The following IQSEC3 variants were observed in gnomAD, a reference collection of about 807,000 sequenced individuals.
IQSEC3 encodes IQ motif and Sec7 domain ArfGEF 3, also known as IQ motif and SEC7 domain-containing protein 3.
IQSEC3 carries 50 observed loss-of-function variants against 105.4 expected under a neutral mutation model. That is an observed-to-expected ratio of 0.47 (90% confidence interval 0.38 to 0.60). The LOEUF is 0.60. Ranked by LOEUF, IQSEC3 falls within the 20% of genes least tolerant of loss-of-function variation. IQSEC3 has a pLI of 0.00. For synonymous variants in IQSEC3, 708 were observed against 746.0 expected, an observed-to-expected ratio of 0.95 and a Z score of 0.83; for missense variants, 1,415 against 1,630.0, an observed-to-expected ratio of 0.87 and a Z score of 2.27.
At chr12:87,856 T>C (rs1200729148) in intron 1 of IQSEC3, among the ~76,000 whole-genome samples, 1 of 152,218 alleles carries the variant, frequency 6.6e-6, no homozygotes, top group Non-Finnish European at 1.5e-5. Flanking sequence ...TTAGCCGTGT[T>C]CTGTTGTAAG....
chr12:123,808 C>A (rs1423041721), intron 2 of IQSEC3, among the ~76,000 whole-genome samples: 4 of 152,134 alleles, frequency 2.6e-5, no homozygotes, highest in African/African-American at 9.7e-5. Context: ...TAGGTTGCAG[C>A]TGTCCTGCAC....
intron 1 of IQSEC3, among the ~76,000 whole-genome samples, chr12:85,605 C>T (rs1565384436): frequency 6.6e-6 from 1 of 152,208 alleles, no homozygotes; most frequent in Non-Finnish European, 1.5e-5. Flanking sequence ...TCTCACTGTT[C>T]TGGGGCTGGG....
chr12:135,529 C>T (rs139992570), intron 3 of IQSEC3, among the ~76,000 whole-genome samples: 7 of 152,310 alleles, frequency 4.6e-5, no homozygotes, highest in Non-Finnish European at 8.8e-5. Context: ...CCTATATAAT[C>T]CCCTTCCCTT....
chr12:118,633 C>T (rs1042742276), intron 2 of IQSEC3, among the ~76,000 whole-genome samples: 31 of 152,138 alleles, frequency 2.0e-4, no homozygotes, highest in Non-Finnish European at 2.8e-4. Context: ...TAGCCATTGC[C>T]GAGATAGGAG....
chr12:162,602 A>G (rs1866944275), intron 8 of IQSEC3, among the ~76,000 whole-genome samples: 1 of 152,158 alleles, frequency 6.6e-6, no homozygotes, highest in African/African-American at 2.4e-5. Context: ...TCCTCCTCAT[A>G]TTCTTGCCTC....
intron 3 of IQSEC3, among the ~76,000 whole-genome samples, chr12:131,152 G>GTCTT (rs1555084998): frequency 1.3e-5 from 2 of 151,710 alleles, no homozygotes; most frequent in Non-Finnish European, 2.9e-5. Context: ...CCTGAAAGAA[G>GTCTT]GGGGCACGTT....
Position 112,928 on chromosome 12 carries a change from TTTA to T in IQSEC3, c.624-12693_624-12691del, listed in dbSNP as rs1294008269. Among the ~76,000 whole-genome samples, 6 of 151,984 alleles carry T rather than the reference TTTA, an allele frequency of 3.9e-5. 1 individual carries two copies. In the South Asian group the frequency reaches 1.0e-3, roughly 26 times the overall value. Reference sequence around the variant, plus strand: ...TTATCATAATATTTTATTATTAATATTTATTATTATTATTTTGAAACAAGGCAG... The same window carrying T: ...TTATCATAATATTTTATTATTAATATTTATTATTATTTTGAAACAAGGCAG... On this transcript the variant is annotated intron_variant, in intron 2 of 13. Transcript: ENST00000538872.
chr12:87,479 A>T (rs1259793400), intron 1 of IQSEC3, among the ~76,000 whole-genome samples: 1 of 152,350 alleles, frequency 6.6e-6, no homozygotes, highest in Non-Finnish European at 1.5e-5. Context: ...CTAAGAGATC[A>T]CTAGGGACCT....
chr12:168,385 G>A (rs549280199), intron 11 of IQSEC3, among the ~76,000 whole-genome samples: 1 of 152,292 alleles, frequency 6.6e-6, no homozygotes, highest in East Asian at 1.9e-4. Flanking sequence ...AGCTGGCCAG[G>A]CAGGCTCTGT....
At chr12:140,726 G>C (rs1188721604) in intron 4 of IQSEC3, 2 of 181,756 alleles carry the variant, frequency 1.1e-5, no homozygotes, top group African/African-American at 4.7e-5. Context: ...GCTTGCAAAG[G>C]GAAGAGGTGG....
In IQSEC3 at chr12:157,523, C is replaced by T. The variant is rs200366635; in HGVS notation, c.2277-5C>T. 5.6e-6 allele frequency: 9 copies of T among 1,609,204 alleles called. No individual in the cohort carries two copies. Among genetic ancestry groups the T allele is most frequent in the Middle Eastern group, 1.7e-4 (1 of 6,036 alleles). ...GCGTCCGCTCTGCATCTGACCCCCC[C>T]ACAGCCAGCGCTACTGCATGTGCAA... On this transcript the variant is annotated splice_polypyrimidine_tract_variant and splice_region_variant and intron_variant, in intron 6 of 13. Coordinates refer to ENST00000538872, the MANE Select transcript of IQSEC3 (RefSeq NM_001170738.2).
In IQSEC3 at chr12:138,485, C is replaced by T. The variant is rs144453082; in HGVS notation, c.1122C>T (p.Tyr374=). ...CCGAGAAAGCGCTCATGGAGGGCTA[C>T]GGCCTCGTGGGGCTGCCGCTGGTGC... is the stretch of plus-strand genomic sequence containing the variant. ...LAAEKALMEG[Y]GLVGLPLVRS... The change falls in exon 4 of 14, where the codon TAC becomes TAT. Residue 374 remains tyrosine, a synonymous_variant. Transcript: ENST00000538872. This position sits in a 1 kb window ranked among gnomAD's most constrained non-coding sequence, Gnocchi z 7.1. The T allele has an allele frequency of 1.9e-5, 31 of 1,593,072 alleles. No individual in the cohort carries two copies. The highest frequency in any genetic ancestry group is 4.5e-5 in the South Asian group (4 of 89,816).
intron 1 of IQSEC3, among the ~76,000 whole-genome samples, chr12:69,410 G>T (rs1863222114): frequency 1.3e-5 from 2 of 152,278 alleles, no homozygotes; most frequent in South Asian, 2.1e-4. Context: ...CTGGAGAGGA[G>T]TTATAATATC....
intron 13 of IQSEC3, among the ~76,000 whole-genome samples, chr12:173,204 G>T (rs1939100756): frequency 1.3e-5 from 2 of 152,214 alleles, no homozygotes; most frequent in South Asian, 4.1e-4. Flanking sequence ...CTCTCTGCCT[G>T]CCATGTCTTG....
chr12:162,116 C>G (rs376066173), intron 8 of IQSEC3, 51 bp downstream of exon 8: 13 of 1,594,904 alleles, frequency 8.2e-6, no homozygotes, highest in African/African-American at 1.3e-5. Flanking sequence ...TTCTTTCTTC[C>G]TGGCATCTCT....
chr12:132,396 G>GCAAT (rs1555085362), intron 3 of IQSEC3, among the ~76,000 whole-genome samples: 1 of 152,172 alleles, frequency 6.6e-6, no homozygotes, highest in African/African-American at 2.4e-5. Flanking sequence ...TCTGTTTGGG[G>GCAAT]CAATGGTTCT....
Position 125,919 on chromosome 12 carries a change from A to G in IQSEC3, c.903+7A>G. The G allele has an allele frequency of 6.5e-7, 1 of 1,530,722 alleles. No individual in the cohort carries two copies. Among genetic ancestry groups the G allele is most frequent in the Non-Finnish European group, 8.7e-7 (1 of 1,145,204 alleles). The allele number at this position is 1,530,722 out of a possible 1,614,324, so 94.8% of individuals were successfully genotyped here. A position where few individuals can be genotyped will look rare whatever the true frequency, so the allele number is the denominator to read the frequency against. ...TGACCTAAAGAATAAACAGGTACCC[A>G]GGGCCTCCTAGGGGGGCGGGGAGGG... On this transcript the variant is annotated splice_region_variant and intron_variant, in intron 3 of 13. Transcript: ENST00000538872.
At chr12:70,725 G>A (rs1555067266) in intron 1 of IQSEC3, among the ~76,000 whole-genome samples, 1 of 152,282 alleles carries the variant, frequency 6.6e-6, no homozygotes, top group Non-Finnish European at 1.5e-5. Flanking sequence ...CACCAGTCAT[G>A]CGTTTAGTGT....
intron 3 of IQSEC3, among the ~76,000 whole-genome samples, chr12:135,617 T>G (rs1279090641): frequency 6.6e-6 from 1 of 152,118 alleles, no homozygotes; most frequent in African/African-American, 2.4e-5. Flanking sequence ...TTTGAGTTAA[T>G]AAAAAGAAAC....
Sources: allele counts gnomAD v4.1 joint callset (sites outside exome capture counted in the v4.1 genomes callset), GRCh38; gene constraint gnomAD v4.1.1; non-coding constraint Gnocchi (gnomAD v3.1); transcripts MANE v1.5; gene names NCBI Gene and HGNC (gene_info 2026-07-23, HGNC 2026-07-21).